Variants in TMEM131 observed in about 807,000 individuals in gnomAD.
TMEM131 encodes 2610524E03Rik.
In TMEM131, 66 loss-of-function variants were observed where a neutral mutation model predicts 211.6. That is an observed-to-expected ratio of 0.31 (90% CI 0.26 to 0.38). The LOEUF (loss-of-function observed/expected upper bound fraction) is 0.38, where lower values mean the gene tolerates loss of function less well. Ranked by LOEUF, TMEM131 falls within the 10% of genes least tolerant of loss-of-function variation. The pLI, the probability that TMEM131 is intolerant of heterozygous loss-of-function variation, is 1.00. For synonymous variants in TMEM131, 844 were observed against 841.3 expected (o/e 1.00, Z -0.06); for missense variants, 2,036 against 2,299.3 (o/e 0.89, Z 2.34).
At chr2:97,944,167 G>T (rs371403337) in intron 1 of TMEM131, among the ~76,000 whole-genome samples, 87 of 152,166 alleles carry the variant, frequency 5.7e-4, no homozygotes, top group African/African-American at 2.0e-3. Context: ...ACAAACCCTC[G>T]CATTTATGGC....
At chr2:97,918,132 C>T (rs999816398) in intron 2 of TMEM131, among the ~76,000 whole-genome samples, 47 of 152,004 alleles carry the variant, frequency 3.1e-4, no homozygotes, top group African/African-American at 1.0e-3. Flanking sequence ...TTAGTAGAGA[C>T]GGGTTTTCAC....
rs754072704 is a variant in TMEM131 at position 97,811,249 on chromosome 2, T to G, written c.1864-17A>C. On this transcript the variant is annotated splice_polypyrimidine_tract_variant and intron_variant, in intron 17 of 40. Coordinates refer to ENST00000186436, the MANE Select transcript of TMEM131 (RefSeq NM_015348.2). ...TAATGTTACCTGTAGATAGTAGAAATGGTATCATTCATTAGCCTTGTTAGT... is the reference window on the plus strand; with the variant it reads ...TAATGTTACCTGTAGATAGTAGAAAGGGTATCATTCATTAGCCTTGTTAGT... 16 of 1,587,952 alleles carry G rather than the reference T, an allele frequency of 1.0e-5. No homozygotes were observed. Among genetic ancestry groups the G allele is most frequent in the Non-Finnish European group, 1.0e-5 (12 of 1,156,562 alleles).
chr2:97,859,058 C>T (rs1019637022), intron 5 of TMEM131, among the ~76,000 whole-genome samples: 6 of 152,168 alleles, frequency 3.9e-5, no homozygotes, highest in African/African-American at 1.4e-4. Flanking sequence ...ATAAAATGTA[C>T]TGAATGTAAG....
intron 1 of TMEM131, among the ~76,000 whole-genome samples, chr2:97,957,574 G>T (rs1573615018): frequency 1.3e-5 from 2 of 152,116 alleles, no homozygotes; most frequent in Non-Finnish European, 2.9e-5. Flanking sequence ...GTTATTTCAT[G>T]ATCTCATTGT....
chr2:97,896,995 T>C (rs1675641285), intron 3 of TMEM131, among the ~76,000 whole-genome samples: 1 of 76,728 alleles, frequency 1.3e-5, no homozygotes, highest in African/African-American at 7.0e-5. Flanking sequence ...TATCTAGGAG[T>C]TCTTTAATTA....
intron 4 of TMEM131, among the ~76,000 whole-genome samples, chr2:97,863,573 T>G (rs1028896052): frequency 1.3e-5 from 2 of 152,100 alleles, no homozygotes; most frequent in Non-Finnish European, 2.9e-5. Context: ...AATAACCTGG[T>G]TAAAACATGG....
At chr2:97,762,228 T>C (rs1269140472) in intron 35 of TMEM131, 28 bp from the exon 36 acceptor site, 3 of 1,611,116 alleles carry the variant, frequency 1.9e-6, no homozygotes, top group Admixed American at 3.3e-5. Context: ...ACGGGCTCGT[T>C]AGTGTGGTGT....
chr2:97,991,396 T>C (rs1323332307), intron 1 of TMEM131, among the ~76,000 whole-genome samples: 2 of 152,068 alleles, frequency 1.3e-5, no homozygotes, highest in East Asian at 3.9e-4. Context: ...GTGAAGGCAG[T>C]GGGAGAGTGA....
chr2:97,897,637 A>G (rs1352322556), intron 3 of TMEM131, among the ~76,000 whole-genome samples: 1 of 152,044 alleles, frequency 6.6e-6, no homozygotes, highest in African/African-American at 2.4e-5. Context: ...ACGTTTCTGG[A>G]TTTGATTTGC....
At chr2:97,803,019 T>C (rs1309374312) in intron 22 of TMEM131, among the ~76,000 whole-genome samples, 2 of 152,226 alleles carry the variant, frequency 1.3e-5, no homozygotes, top group African/African-American at 4.8e-5. Flanking sequence ...GTACTGAATA[T>C]AGAAAGGATG....
intron 1 of TMEM131, among the ~76,000 whole-genome samples, chr2:97,976,956 T>C (rs927235207): frequency 3.2e-4 from 29 of 89,906 alleles, no homozygotes; most frequent in African/African-American, 1.1e-3. Flanking sequence ...TGGTTATTTA[T>C]ATGCAAAAAA....
chr2:97,888,831 A>T (rs1675265702), intron 3 of TMEM131, among the ~76,000 whole-genome samples: 1 of 152,140 alleles, frequency 6.6e-6, no homozygotes, highest in Non-Finnish European at 1.5e-5. Context: ...AAATTCAGTC[A>T]GAAAGTCAGA....
chr2:97,964,529 A>G (rs1678959268), intron 1 of TMEM131, among the ~76,000 whole-genome samples: 1 of 152,206 alleles, frequency 6.6e-6, no homozygotes, highest in African/African-American at 2.4e-5. Context: ...TAAGAATTGG[A>G]TCTATTTTTA....
chr2:97,808,808 C>G (rs767479012), intron 19 of TMEM131, among the ~76,000 whole-genome samples: 7 of 152,130 alleles, frequency 4.6e-5, no homozygotes, highest in Non-Finnish European at 8.8e-5. Flanking sequence ...CATGAAACAA[C>G]CAGTATTGTC....
chr2:97,775,660 T>C lies in TMEM131; in HGVS notation c.4320+183A>G, dbSNP rs372251911. ...CCATTCATCCCCACAGCTGTGACTG[T>C]TGTCTGCAGGGGAATGACTCTGGAG... On this transcript the variant is annotated intron_variant, in intron 32 of 40. Transcript: ENST00000186436. Among the ~76,000 whole-genome samples the C allele has an allele frequency of 1.0e-3, 157 of 152,288 alleles. 1 individual carries two copies. In the South Asian group the frequency reaches 0.015, roughly 15 times the overall value.
chr2:97,770,792 A>C (rs1648652235), intron 33 of TMEM131, among the ~76,000 whole-genome samples: 1 of 152,258 alleles, frequency 6.6e-6, no homozygotes, highest in Non-Finnish European at 1.5e-5. Flanking sequence ...GATAATTCTT[A>C]GATGCACTGG....
intron 1 of TMEM131, among the ~76,000 whole-genome samples, chr2:97,929,508 G>A (rs763394999): frequency 3.5e-4 from 53 of 151,660 alleles, no homozygotes; most frequent in Non-Finnish European, 1.2e-4. Flanking sequence ...TGGCTGTTCC[G>A]GTATGACAAA....
chr2:97,981,295 T>C (rs1679787248), intron 1 of TMEM131, among the ~76,000 whole-genome samples: 1 of 152,186 alleles, frequency 6.6e-6, no homozygotes, highest in African/African-American at 2.4e-5. Flanking sequence ...CATCATGCTA[T>C]GAATAACCTT....
chr2:97,941,433 AAC>A (rs1677720900), intron 1 of TMEM131, among the ~76,000 whole-genome samples: 1 of 152,234 alleles, frequency 6.6e-6, no homozygotes, highest in African/African-American at 2.4e-5. Context: ...TCATGACTAA[AAC>A]ACCAAAAGCA....
Sources: gnomAD v4.1 joint callset for allele counts (sites outside exome capture counted in the v4.1 genomes callset) on GRCh38, gnomAD v4.1.1 for gene constraint, MANE v1.5 for transcripts, NCBI Gene and HGNC (gene_info 2026-07-23, HGNC 2026-07-21) for gene names.